Variants in CSMD1 observed in about 807,000 individuals in gnomAD.
The protein encoded by CSMD1 is CUB and sushi domain-containing protein 1.
In CSMD1, 213 loss-of-function variants were observed where a neutral mutation model predicts 417.5. That is an observed-to-expected ratio of 0.51 (90% CI 0.46 to 0.57). The LOEUF is 0.57. CSMD1 is among the 20% of genes least tolerant of loss of function. The pLI is 0.00. For missense variants in CSMD1, 6,923 were observed against 4,529.7 expected (o/e 1.53, Z -15.17); for synonymous variants, 2,862 against 1,736.8 (o/e 1.65, Z -16.11).
chr8:3,306,988 T>A (rs1804910378), intron 25 of CSMD1, among the ~76,000 whole-genome samples: 1 of 151,856 alleles, frequency 6.6e-6, no homozygotes, highest in Non-Finnish European at 1.5e-5. Flanking sequence ...TTATATGTGT[T>A]ACTTTAGAGT....
chr8:3,321,148 A>T (rs1409509127), intron 23 of CSMD1, among the ~76,000 whole-genome samples: 1 of 152,050 alleles, frequency 6.6e-6, no homozygotes, highest in Non-Finnish European at 1.5e-5. Flanking sequence ...ACCCACCATC[A>T]GGTGGGTCGA....
At chr8:3,042,701 T>C (rs11988850) in intron 50 of CSMD1, among the ~76,000 whole-genome samples, 1 of 152,156 alleles carries the variant, frequency 6.6e-6, no homozygotes, top group Non-Finnish European at 1.5e-5. Flanking sequence ...CAGTACTTCA[T>C]AGGTTTGTTA....
At chr8:4,445,719 G>T (rs984310086) in intron 2 of CSMD1, among the ~76,000 whole-genome samples, 1 of 152,164 alleles carries the variant, frequency 6.6e-6, no homozygotes, top group Non-Finnish European at 1.5e-5. Context: ...CTATTTGGGG[G>T]CGTAACGTTG....
chr8:4,496,980 G>A (rs753600200), intron 2 of CSMD1, among the ~76,000 whole-genome samples: 1 of 152,092 alleles, frequency 6.6e-6, no homozygotes, highest in South Asian at 2.1e-4. Flanking sequence ...CAAAACGAAA[G>A]GGAGACAATA....
At chr8:4,928,080 G>A (rs745908353) in intron 1 of CSMD1, among the ~76,000 whole-genome samples, 2 of 152,074 alleles carry the variant, frequency 1.3e-5, no homozygotes, top group Non-Finnish European at 2.9e-5. Flanking sequence ...TGGCCTCTCT[G>A]AGCTCCATTC....
chr8:3,546,056 G>A (rs1192435935), intron 10 of CSMD1, among the ~76,000 whole-genome samples: 6 of 152,188 alleles, frequency 3.9e-5, no homozygotes, highest in Admixed American at 1.3e-4. Flanking sequence ...TCTCCATCAA[G>A]TTGACATTTA....
intron 3 of CSMD1, among the ~76,000 whole-genome samples, chr8:4,052,072 A>G (rs1380817847): frequency 2.6e-5 from 4 of 151,976 alleles, no homozygotes; most frequent in Non-Finnish European, 4.4e-5. Context: ...AGTAGCCGGG[A>G]CTAAATACCC....
chr8:4,274,808 A>G (rs1796380926), intron 3 of CSMD1, among the ~76,000 whole-genome samples: 1 of 152,148 alleles, frequency 6.6e-6, no homozygotes, highest in Non-Finnish European at 1.5e-5. Flanking sequence ...GCCACCCTCA[A>G]CAAAATTTAT....
intron 1 of CSMD1, among the ~76,000 whole-genome samples, chr8:4,830,831 A>C (rs1487039551): frequency 2.6e-5 from 4 of 152,220 alleles, no homozygotes; most frequent in African/African-American, 4.8e-5. Flanking sequence ...CAGGGAAAGA[A>C]AGAGAAATCA....
intron 49 of CSMD1, among the ~76,000 whole-genome samples, chr8:3,065,534 A>G (rs1212686027): frequency 6.6e-6 from 1 of 152,164 alleles, no homozygotes; most frequent in East Asian, 1.9e-4. Flanking sequence ...ATGGATACAC[A>G]GATGGATAGT....
At chr8:3,869,669 A>G (rs1366346657) in intron 5 of CSMD1, among the ~76,000 whole-genome samples, 1 of 152,100 alleles carries the variant, frequency 6.6e-6, no homozygotes, top group Non-Finnish European at 1.5e-5. Flanking sequence ...TTGCCACAGG[A>G]GGAAAGGTGC....
chr8:4,297,126 C>G (rs1171622397), intron 3 of CSMD1, among the ~76,000 whole-genome samples: 2 of 151,984 alleles, frequency 1.3e-5, no homozygotes, highest in African/African-American at 4.8e-5. Context: ...ACGTTTTAAT[C>G]TTAATTGGCA....
At chr8:4,725,853 G>C (rs1212066994) in intron 1 of CSMD1, among the ~76,000 whole-genome samples, 1 of 152,158 alleles carries the variant, frequency 6.6e-6, no homozygotes, top group African/African-American at 2.4e-5. Flanking sequence ...GGAGTTTTGA[G>C]ACCTACCCTC....
chr8:3,781,097 C>G (rs1428000476), intron 5 of CSMD1, among the ~76,000 whole-genome samples: 2 of 152,148 alleles, frequency 1.3e-5, no homozygotes, highest in African/African-American at 4.8e-5. Flanking sequence ...GCACTGCAAA[C>G]TGTTTCAAGA....
At chr8:4,586,733 G>A (rs957596780) in intron 2 of CSMD1, among the ~76,000 whole-genome samples, 1 of 152,150 alleles carries the variant, frequency 6.6e-6, no homozygotes, top group Non-Finnish European at 1.5e-5. Context: ...CTGTGAGAGA[G>A]ATCCTCCATG....
At chr8:4,083,307 C>G (rs1010683156) in intron 3 of CSMD1, among the ~76,000 whole-genome samples, 1 of 152,134 alleles carries the variant, frequency 6.6e-6, no homozygotes, top group African/African-American at 2.4e-5. Flanking sequence ...GATCGCCATT[C>G]TAACTGGTGT....
intron 5 of CSMD1, among the ~76,000 whole-genome samples, chr8:3,987,018 G>T (rs1040518193): frequency 2.0e-5 from 3 of 152,144 alleles, no homozygotes; most frequent in African/African-American, 7.2e-5. Context: ...GCCTCCCAAA[G>T]TGCTGGGATT....
intron 11 of CSMD1, among the ~76,000 whole-genome samples, chr8:3,472,380 G>A (rs559948247): frequency 2.0e-5 from 3 of 151,958 alleles, no homozygotes; most frequent in Admixed American, 6.6e-5. Flanking sequence ...CTCTACTAAT[G>A]ATTTTGTCAC....
chr8:4,957,596 T>C (rs1809202855), intron 1 of CSMD1, among the ~76,000 whole-genome samples: 1 of 152,140 alleles, frequency 6.6e-6, no homozygotes, highest in Admixed American at 6.6e-5. Context: ...TTGTGAAAGA[T>C]CCTCATATGA....
Sources: allele counts gnomAD v4.1 joint callset (sites outside exome capture counted in the v4.1 genomes callset), GRCh38; gene constraint gnomAD v4.1.1; transcripts MANE v1.5; gene names NCBI Gene and HGNC (gene_info 2026-07-23, HGNC 2026-07-21).